FGF10: variants seen among roughly 807,000 people sequenced by gnomAD.
FGF10 encodes the protein FGF-10.
FGF10 carries 2 observed loss-of-function variants against 19.8 expected under a neutral mutation model. That is an observed-to-expected ratio of 0.10 (90% CI 0.04 to 0.32). The LOEUF (loss-of-function observed/expected upper bound fraction) is 0.32. Ranked by LOEUF, FGF10 falls within the 10% of genes least tolerant of loss-of-function variation. The probability of loss-of-function intolerance (pLI) is 1.00; values close to 1 mark genes in which losing one functional copy is unlikely to be tolerated. For synonymous variants in FGF10, 112 were observed against 94.0 expected, an observed-to-expected ratio of 1.19 and a Z score of -1.10; for missense variants, 191 against 246.3, an observed-to-expected ratio of 0.78 and a Z score of 1.50.
At chr5:44,352,348 C>T (rs542455585) in intron 1 of FGF10, among the ~76,000 whole-genome samples, 2 of 151,666 alleles carry the variant, frequency 1.3e-5, no homozygotes, top group East Asian at 3.9e-4. Flanking sequence ...CCCTTCATAC[C>T]TCTAAAAGGG....
At chr5:44,338,197 TTAAA>T (rs1204405252) in intron 1 of FGF10, among the ~76,000 whole-genome samples, 1 of 152,166 alleles carries the variant, frequency 6.6e-6, no homozygotes, top group Non-Finnish European at 1.5e-5. Flanking sequence ...ATATATTATC[TTAAA>T]TAACACATAT....
chr5:44,332,327 A>T (rs1433655848), intron 1 of FGF10, among the ~76,000 whole-genome samples: 2 of 152,136 alleles, frequency 1.3e-5, no homozygotes, highest in African/African-American at 2.4e-5. Flanking sequence ...ATCTATGAAC[A>T]AGAGCCAAAA....
At chr5:44,326,429 C>A (rs1740615670) in intron 1 of FGF10, among the ~76,000 whole-genome samples, 1 of 152,072 alleles carries the variant, frequency 6.6e-6, no homozygotes, top group Non-Finnish European at 1.5e-5. Context: ...GACAGGGTCT[C>A]ACTCTGTCAC....
intron 2 of FGF10, 80 bp from the exon 3 acceptor site, chr5:44,305,272 C>A: frequency 3.1e-6 from 4 of 1,302,662 alleles, no homozygotes; most frequent in Non-Finnish European, 4.4e-6. Flanking sequence ...CAGAGAACTC[C>A]AGTCCAAGGA....
At chr5:44,354,281 A>G (rs1378386481) in intron 1 of FGF10, among the ~76,000 whole-genome samples, 1 of 151,454 alleles carries the variant, frequency 6.6e-6, no homozygotes, top group East Asian at 1.9e-4. Flanking sequence ...TGTCTAGCAT[A>G]TATGTTGCCT....
chr5:44,378,300 G>T (rs1206647294), intron 1 of FGF10, among the ~76,000 whole-genome samples: 1 of 152,164 alleles, frequency 6.6e-6, no homozygotes, highest in Non-Finnish European at 1.5e-5. Flanking sequence ...GGACTTTGGA[G>T]CATTTTGGAT....
chr5:44,375,191 C>T (rs1337775034), intron 1 of FGF10, among the ~76,000 whole-genome samples: 1 of 152,136 alleles, frequency 6.6e-6, no homozygotes, highest in East Asian at 1.9e-4. Flanking sequence ...TAAGTGCATG[C>T]ATGTAAAAGT....
At chr5:44,380,176 C>G (rs1165211975) in intron 1 of FGF10, among the ~76,000 whole-genome samples, 1 of 152,110 alleles carries the variant, frequency 6.6e-6, no homozygotes, top group Non-Finnish European at 1.5e-5. Flanking sequence ...CATATGTTAC[C>G]ATTTACCCCA....
chr5:44,348,458 T>A (rs1250039435), intron 1 of FGF10, among the ~76,000 whole-genome samples: 1 of 151,486 alleles, frequency 6.6e-6, no homozygotes, highest in Non-Finnish European at 1.5e-5. Context: ...CTGGATTTTA[T>A]AATCATTTTG....
intron 1 of FGF10, among the ~76,000 whole-genome samples, chr5:44,354,426 C>G (rs897568306): frequency 1.3e-5 from 2 of 151,486 alleles, no homozygotes; most frequent in Non-Finnish European, 3.0e-5. Flanking sequence ...TCTTCCCTGT[C>G]TCTACAACTA....
chr5:44,321,906 G>T (rs1462626749), intron 1 of FGF10, among the ~76,000 whole-genome samples: 2 of 151,990 alleles, frequency 1.3e-5, no homozygotes, highest in Non-Finnish European at 2.9e-5. Flanking sequence ...AGATTATAGG[G>T]TGCCCATCAC....
intron 1 of FGF10, among the ~76,000 whole-genome samples, chr5:44,378,682 C>T (rs1191770310): frequency 2.0e-4 from 31 of 152,178 alleles, no homozygotes; most frequent in African/African-American, 5.3e-4. Flanking sequence ...CTGCCCTCCT[C>T]GGCCTCCAAA....
At position 44,301,896 on chromosome 5, in the gene FGF10, T is replaced by C. The variant is rs1739972204; in HGVS notation, c.*3099A>G. On this transcript the variant is annotated 3_prime_UTR_variant, in exon 3 of 3. Transcript: ENST00000264664. ...AACATTTTTATTGTTTTTATTTAAA[T>C]GTAACATACTATACACTGTTCAGCC... is the stretch of plus-strand genomic sequence containing the variant. Among the ~76,000 whole-genome samples the C allele has an allele frequency of 6.6e-6, 1 of 152,182 alleles. No homozygotes were observed. The highest frequency in any genetic ancestry group is 1.5e-5 in the Non-Finnish European group (1 of 68,034).
chr5:44,347,694 T>A (rs1027432282), intron 1 of FGF10, among the ~76,000 whole-genome samples: 32 of 151,682 alleles, frequency 2.1e-4, no homozygotes, highest in Non-Finnish European at 4.7e-4. Context: ...CTTTGCAATT[T>A]TAGCACAGAG....
In FGF10 at chr5:44,305,031, G is replaced by A. The variant is rs17234639; in HGVS notation, c.591C>T (p.Thr197=). 6,699 of 1,613,878 alleles carry A rather than the reference G, an allele frequency of 4.2e-3. 269 individuals are homozygous for A. The African/African-American group carries it at 0.078, about 19-fold the overall frequency. ...RRGQKTRRKN[T]SAHFLPMVVH... ...CCACCATTGGAAGAAAGTGAGCAGA[G>A]GTGTTTTTCCTTCGTGTTTTCTGTC... is the stretch of plus-strand genomic sequence containing the variant. The change falls in exon 3 of 3, where the codon ACC becomes ACT. Residue 197 remains threonine, a synonymous_variant. Transcript: ENST00000264664.
At chr5:44,354,901 G>A (rs1161318525) in intron 1 of FGF10, among the ~76,000 whole-genome samples, 1 of 151,442 alleles carries the variant, frequency 6.6e-6, no homozygotes, top group Admixed American at 6.6e-5. Context: ...ATGCAGCTTC[G>A]ATCAGATCTT....
At chr5:44,331,707 A>G (rs1446032580) in intron 1 of FGF10, among the ~76,000 whole-genome samples, 1 of 152,074 alleles carries the variant, frequency 6.6e-6, no homozygotes, top group African/African-American at 2.4e-5. Flanking sequence ...GTCTGACACA[A>G]TGTTGTTGAT....
Position 44,345,633 on chromosome 5 carries a change from CAAA to C in FGF10, c.326-35106_326-35104del, listed in dbSNP as rs199895920. On this transcript the variant is annotated intron_variant, in intron 1 of 2. Transcript: ENST00000264664. ...TCACTGTTCATTCCCTTTCTCAGCT[CAAA>C]AAAAAAAAAAAAAAATCGAACTTCT... Among the ~76,000 whole-genome samples, 211 of 134,414 alleles carry C rather than the reference CAAA, an allele frequency of 1.6e-3. 2 individuals carry two copies. Among genetic ancestry groups the C allele is most frequent in the Middle Eastern group, 7.6e-3 (2 of 262 alleles). The allele number at this position is 134,414 out of a possible 152,430, so 88.2% of individuals were successfully genotyped here.
At chr5:44,367,203 A>G (rs1221852826) in intron 1 of FGF10, among the ~76,000 whole-genome samples, 3 of 152,120 alleles carry the variant, frequency 2.0e-5, no homozygotes, top group East Asian at 3.9e-4. Flanking sequence ...ACTGAAAAAA[A>G]TCCATTTTTT....
Sources: allele counts gnomAD v4.1 joint callset (sites outside exome capture counted in the v4.1 genomes callset), GRCh38; gene constraint gnomAD v4.1.1; transcripts MANE v1.5; gene names NCBI Gene and HGNC (gene_info 2026-07-23, HGNC 2026-07-21).